Variants in ADGRB3 observed in about 807,000 individuals in gnomAD.
The protein encoded by ADGRB3 is adhesion G protein-coupled receptor B3.
In ADGRB3, 37 loss-of-function variants were observed where a neutral mutation model predicts 193.4. The observed-to-expected ratio is 0.19, with a 90% confidence interval of 0.15 to 0.25. ADGRB3 has a LOEUF of 0.25. Among genes scored for constraint, ADGRB3 ranks in the 10% least tolerant of loss-of-function variants. The pLI is 1.00. For missense variants in ADGRB3, 1,637 were observed against 1,852.9 expected (o/e 0.88, Z 2.14); for synonymous variants, 690 against 644.2 (o/e 1.07, Z -1.08).
chr6:69,075,845 A>C (rs546423401), intron 16 of ADGRB3, 150 bp from the exon 17 acceptor site: 64 of 630,860 alleles, frequency 1.0e-4, no homozygotes, highest in Middle Eastern at 8.8e-4. Context: ...ACGAAATGCA[A>C]ATTTCTTATA....
chr6:68,703,919 G>A (rs899788906), intron 3 of ADGRB3, among the ~76,000 whole-genome samples: 14 of 151,950 alleles, frequency 9.2e-5, no homozygotes, highest in Non-Finnish European at 1.3e-4. Context: ...CACTGTGCCC[G>A]GCCATTAAAA....
rs1363541826 is a variant in ADGRB3, at chr6:69,257,138, C to A, written c.2814+17912C>A. Among the ~76,000 whole-genome samples the A allele has an allele frequency of 2.0e-5, 3 of 152,154 alleles. No individual in the cohort carries two copies. The East Asian group carries it at 5.8e-4, about 29-fold the overall frequency. On this transcript the variant is annotated intron_variant, in intron 20 of 31. Coordinates refer to ENST00000370598, the MANE Select transcript of ADGRB3 (RefSeq NM_001704.3). ...TATTGAGGATTTTTGCATCAATGTT[C>A]ATCAAGGATATTGGTCTAAAATGCT...
intron 10 of ADGRB3, among the ~76,000 whole-genome samples, chr6:68,977,306 T>C: frequency 6.6e-6 from 1 of 152,150 alleles, no homozygotes; most frequent in Admixed American, 6.6e-5. Flanking sequence ...TTAATGGATT[T>C]TTTTTTCTAA....
rs188460054 is a variant in ADGRB3 at position 68,902,257 on chromosome 6, A to T, written c.758-28302A>T. Among the ~76,000 whole-genome samples, 283 of 152,278 alleles carry T rather than the reference A, an allele frequency of 1.9e-3. 1 individual carries two copies. Among genetic ancestry groups the T allele is most frequent in the Admixed American group, 3.9e-3 (60 of 15,282 alleles). On this transcript the variant is annotated intron_variant, in intron 3 of 31. Coordinates refer to ENST00000370598, the MANE Select transcript of ADGRB3 (RefSeq NM_001704.3). ...TTATTCAATGAAAATTGTGTCTGTT[A>T]TCACACTAAAAGTTGTACTAACAAT...
intron 3 of ADGRB3, among the ~76,000 whole-genome samples, chr6:68,777,565 T>A (rs559108945): frequency 6.6e-6 from 1 of 151,430 alleles, no homozygotes; most frequent in East Asian, 2.0e-4. Flanking sequence ...ACATAGAAAG[T>A]TATAGTGAAT....
intron 17 of ADGRB3, among the ~76,000 whole-genome samples, chr6:69,214,994 T>C (rs1417747358): frequency 6.6e-6 from 1 of 152,110 alleles, no homozygotes; most frequent in Non-Finnish European, 1.5e-5. Context: ...ACTCTCCATC[T>C]ACTCTTGGGA....
intron 17 of ADGRB3, among the ~76,000 whole-genome samples, chr6:69,093,854 G>GT (rs1772789915): frequency 6.6e-6 from 1 of 152,168 alleles, no homozygotes; most frequent in African/African-American, 2.4e-5. Context: ...TGTAAGAATC[G>GT]TAAGACCTGT....
chr6:69,108,531 C>G (rs1266285056), intron 17 of ADGRB3, among the ~76,000 whole-genome samples: 2 of 151,894 alleles, frequency 1.3e-5, no homozygotes, highest in African/African-American at 2.4e-5. Flanking sequence ...AAGGCATACA[C>G]TAAACACCTT....
rs73467850 is a variant in ADGRB3 at position 68,754,341 on chromosome 6, A to G, written c.757+114909A>G. On this transcript the variant is annotated intron_variant, in intron 3 of 31. Coordinates refer to ENST00000370598, the MANE Select transcript of ADGRB3 (RefSeq NM_001704.3). ...TTAGAAACCAAGAAATCAGAGGGGCAGGGAGTTTCAATAAAGGGGATCACC... is the reference window on the plus strand; with the variant it reads ...TTAGAAACCAAGAAATCAGAGGGGCGGGGAGTTTCAATAAAGGGGATCACC... Among the ~76,000 whole-genome samples the G allele has an allele frequency of 8.6e-3, 1,306 of 152,230 alleles. 20 individuals are homozygous for G. The highest frequency in any genetic ancestry group is 0.027 in the African/African-American group (1,136 of 41,544).
Position 68,635,775 on chromosome 6 carries a change from C to CT in ADGRB3, c.-405dup, listed in dbSNP as rs1005339604. The CT allele has an allele frequency of 8.5e-5, 13 of 152,938 alleles. No homozygotes were observed. The highest frequency in any genetic ancestry group is 1.7e-4 in the African/African-American group (7 of 41,372). The allele number at this position is 152,938 out of a possible 1,614,324, so 9.5% of individuals were successfully genotyped here. ...GCGCAAGGTTCTGGGCTCCTGCTGG[C>CT]TTTTTTTTCCTCTCTCTCATCGACC... is the stretch of plus-strand genomic sequence containing the variant. On this transcript the variant is annotated 5_prime_UTR_variant, in exon 1 of 32. Transcript: ENST00000370598.
intron 17 of ADGRB3, among the ~76,000 whole-genome samples, chr6:69,200,021 G>C (rs949315156): frequency 7.2e-5 from 11 of 152,078 alleles, no homozygotes; most frequent in African/African-American, 2.7e-4. Flanking sequence ...TTTGCTTTCT[G>C]AAGTAGAAGT....
chr6:68,885,335 T>A (rs1462744576), intron 3 of ADGRB3, among the ~76,000 whole-genome samples: 3 of 152,140 alleles, frequency 2.0e-5, no homozygotes, highest in Admixed American at 6.6e-5. Context: ...CCAGGTTAAT[T>A]TTTTTAATTA....
chr6:68,883,410 A>C (rs1038188657), intron 3 of ADGRB3, among the ~76,000 whole-genome samples: 4 of 152,198 alleles, frequency 2.6e-5, no homozygotes, highest in Non-Finnish European at 5.9e-5. Flanking sequence ...CAGCTGCGGC[A>C]ATCAGGTTGC....
At chr6:69,072,429 G>C (rs1381617571) in intron 16 of ADGRB3, among the ~76,000 whole-genome samples, 1 of 152,144 alleles carries the variant, frequency 6.6e-6, no homozygotes, top group Non-Finnish European at 1.5e-5. Context: ...ATTAGAAGAA[G>C]CATTTCTCGT....
chr6:68,759,184 C>T (rs1278009704), intron 3 of ADGRB3, among the ~76,000 whole-genome samples: 1 of 152,036 alleles, frequency 6.6e-6, no homozygotes, highest in Non-Finnish European at 1.5e-5. Flanking sequence ...TTTAAATATG[C>T]TTTAATGGTT....
intron 20 of ADGRB3, among the ~76,000 whole-genome samples, chr6:69,240,820 A>G: frequency 6.6e-6 from 1 of 151,930 alleles, no homozygotes; most frequent in Non-Finnish European, 1.5e-5. Context: ...ACACTGGTTA[A>G]TACCTATTCC....
At chr6:68,668,616 T>C (rs1388224093) in intron 3 of ADGRB3, among the ~76,000 whole-genome samples, 1 of 151,942 alleles carries the variant, frequency 6.6e-6, no homozygotes, top group Non-Finnish European at 1.5e-5. Flanking sequence ...AGAAAGATGG[T>C]GTTTATTCTC....
Position 69,361,482 on chromosome 6 carries a change from T to C in ADGRB3, c.4209T>C (p.Thr1403=). 1 of 1,612,434 alleles carries C rather than the reference T, an allele frequency of 6.2e-7. No homozygotes were observed. The highest frequency in any genetic ancestry group is 1.3e-5 in the African/African-American group (1 of 74,942). ...DDNAGLSRSE[T]GSTISMSSLE... is the part of the protein sequence containing the mutation. ...ATGCAGGACTATCAAGAAGTGAAAC[T>C]GGATCAACGATATCAATGAGTTCTT... Residue 1403 remains threonine, a synonymous_variant, in exon 29 of 32, where the codon ACT becomes ACC. Coordinates refer to ENST00000370598, the MANE Select transcript of ADGRB3 (RefSeq NM_001704.3).
At chr6:68,756,015 C>CT (rs1403878349) in intron 3 of ADGRB3, among the ~76,000 whole-genome samples, 1 of 151,980 alleles carries the variant, frequency 6.6e-6, no homozygotes, top group African/African-American at 2.4e-5. Flanking sequence ...TTTCCAGGCC[C>CT]TATTAGGAAG....
Sources: gnomAD v4.1 joint callset for allele counts (sites outside exome capture counted in the v4.1 genomes callset) on GRCh38, gnomAD v4.1.1 for gene constraint, MANE v1.5 for transcripts, NCBI Gene and HGNC (gene_info 2026-07-23, HGNC 2026-07-21) for gene names.